Variants in ZNF804B observed in about 807,000 individuals in gnomAD.
The protein encoded by ZNF804B is zinc finger protein 804B, also known as zinc finger 804B.
ZNF804B carries 80 observed loss-of-function variants against 101.4 expected under a neutral mutation model. That is an observed-to-expected ratio of 0.79 (90% CI 0.66 to 0.95). The LOEUF (loss-of-function observed/expected upper bound fraction) is 0.95. Ranked by LOEUF, ZNF804B falls within the 40% of genes least tolerant of loss-of-function variation. ZNF804B has a pLI of 0.00. For synonymous variants in ZNF804B, 622 were observed against 558.8 expected (o/e 1.11, Z -1.59); for missense variants, 1,673 against 1,561.9 (o/e 1.07, Z -1.20).
intron 1 of ZNF804B, among the ~76,000 whole-genome samples, chr7:88,978,501 C>G (rs555950654): frequency 1.3e-5 from 2 of 151,706 alleles, no homozygotes; most frequent in African/African-American, 2.4e-5. Context: ...GTCTTGAAAT[C>G]TATTTTTTTC....
intron 1 of ZNF804B, among the ~76,000 whole-genome samples, chr7:89,180,855 A>G (rs908581168): frequency 6.8e-6 from 1 of 147,234 alleles, no homozygotes; most frequent in Non-Finnish European, 1.5e-5. Context: ...CTTGTGATCT[A>G]GAATGCCTTT....
At chr7:89,188,133 C>G (rs1415562532) in intron 1 of ZNF804B, among the ~76,000 whole-genome samples, 1 of 151,920 alleles carries the variant, frequency 6.6e-6, no homozygotes, top group South Asian at 2.1e-4. Flanking sequence ...TCTACATGTG[C>G]CATTCTCCCG....
chr7:88,794,766 A>G, intron 1 of ZNF804B: 1 of 1,613,488 alleles, frequency 6.2e-7, no homozygotes, highest in South Asian at 1.1e-5. Flanking sequence ...TTCTTTCTAC[A>G]TTTGCTTGTA....
intron 1 of ZNF804B, among the ~76,000 whole-genome samples, chr7:88,987,505 A>G (rs1279576283): frequency 6.6e-6 from 1 of 152,124 alleles, no homozygotes; most frequent in Non-Finnish European, 1.5e-5. Flanking sequence ...CTTTTTCCCC[A>G]GGAACTTAAA....
At chr7:88,822,070 T>C (rs2115761606) in intron 1 of ZNF804B, among the ~76,000 whole-genome samples, 1 of 152,208 alleles carries the variant, frequency 6.6e-6, no homozygotes, top group East Asian at 1.9e-4. Flanking sequence ...GCTGCAACAC[T>C]GTTTAGAAAG....
chr7:89,337,115 A>T lies in ZNF804B; in HGVS notation c.*83A>T. Reference sequence around the variant, plus strand: ...ATACATTTAAAGAAGTCTGTCAATTATAAGATTTAAAATATTGCTGCCAAT... The same window carrying T: ...ATACATTTAAAGAAGTCTGTCAATTTTAAGATTTAAAATATTGCTGCCAAT... On this transcript the variant is annotated 3_prime_UTR_variant, in exon 4 of 4. Transcript: ENST00000333190. 1 of 1,345,414 alleles carries T rather than the reference A, an allele frequency of 7.4e-7. No homozygotes were observed. Among genetic ancestry groups the T allele is most frequent in the South Asian group, 1.5e-5 (1 of 65,640 alleles). The allele number at this position is 1,345,414 out of a possible 1,614,324, so 83.3% of individuals were successfully genotyped here. A position where few individuals can be genotyped will look rare whatever the true frequency, so the allele number is the denominator to read the frequency against.
intron 1 of ZNF804B, among the ~76,000 whole-genome samples, chr7:88,982,063 G>T (rs949923253): frequency 6.6e-6 from 1 of 151,874 alleles, no homozygotes; most frequent in Non-Finnish European, 1.5e-5. Context: ...TGACTGTCTT[G>T]CTCTGCCTTC....
intron 1 of ZNF804B, among the ~76,000 whole-genome samples, chr7:89,067,965 C>T (rs539145030): frequency 4.0e-5 from 6 of 150,964 alleles, no homozygotes; most frequent in Non-Finnish European, 5.9e-5. Flanking sequence ...CCTGCCACCA[C>T]GCCCAAACTA....
At chr7:89,208,374 G>T (rs575253747) in intron 1 of ZNF804B, among the ~76,000 whole-genome samples, 6 of 152,118 alleles carry the variant, frequency 3.9e-5, no homozygotes, top group African/African-American at 1.2e-4. Context: ...GAGCCACCGC[G>T]CCTAGCCCTG....
chr7:89,232,618 G>A (rs1329796904), intron 2 of ZNF804B, among the ~76,000 whole-genome samples: 1 of 152,070 alleles, frequency 6.6e-6, no homozygotes, highest in Non-Finnish European at 1.5e-5. Context: ...CTGTCTTTGT[G>A]TAGGTATTGT....
chr7:88,918,605 A>G (rs1260064597), intron 1 of ZNF804B, among the ~76,000 whole-genome samples: 1 of 152,188 alleles, frequency 6.6e-6, no homozygotes, highest in Non-Finnish European at 1.5e-5. Context: ...ATGTCTCTAC[A>G]TAGCCAAAAG....
At chr7:89,048,092 C>A (rs1789140561) in intron 1 of ZNF804B, among the ~76,000 whole-genome samples, 1 of 152,030 alleles carries the variant, frequency 6.6e-6, no homozygotes, top group African/African-American at 2.4e-5. Context: ...TTATCCCTTA[C>A]CCCTTCCCAT....
intron 2 of ZNF804B, among the ~76,000 whole-genome samples, chr7:89,250,849 T>C (rs1216699021): frequency 6.6e-6 from 1 of 152,164 alleles, no homozygotes; most frequent in Non-Finnish European, 1.5e-5. Flanking sequence ...AATATGATCA[T>C]CTCAATAGAC....
intron 1 of ZNF804B, among the ~76,000 whole-genome samples, chr7:88,947,404 C>T (rs992811760): frequency 6.6e-6 from 1 of 151,856 alleles, no homozygotes; most frequent in African/African-American, 2.4e-5. Context: ...TCTCAGCAGA[C>T]TAACACAGGA....
intron 1 of ZNF804B, among the ~76,000 whole-genome samples, chr7:88,792,398 T>C (rs1176363621): frequency 6.6e-6 from 1 of 152,110 alleles, no homozygotes; most frequent in East Asian, 1.9e-4. Flanking sequence ...CTTTAGAAAA[T>C]AATATTCCCA....
chr7:89,154,562 A>G (rs754619501), intron 1 of ZNF804B, among the ~76,000 whole-genome samples: 1 of 152,150 alleles, frequency 6.6e-6, no homozygotes, highest in Non-Finnish European at 1.5e-5. Flanking sequence ...ATTTGCAACA[A>G]CATGGATGGA....
At chr7:89,011,162 G>A (rs946789397) in intron 1 of ZNF804B, among the ~76,000 whole-genome samples, 3 of 152,004 alleles carry the variant, frequency 2.0e-5, no homozygotes, top group Non-Finnish European at 4.4e-5. Flanking sequence ...CAGGGGAAAT[G>A]TCAGACACTT....
At chr7:88,854,541 T>TTCCTTCCCTTC (rs1554340270) in intron 1 of ZNF804B, among the ~76,000 whole-genome samples, 2 of 88,648 alleles carry the variant, frequency 2.3e-5, no homozygotes, top group East Asian at 4.9e-4. Context: ...CTTCCTTCCT[T>TTCCTTCCCTTC]CCTTCCTTCC....
intron 1 of ZNF804B, among the ~76,000 whole-genome samples, chr7:88,907,572 G>A (rs1213715778): frequency 6.6e-6 from 1 of 151,758 alleles, no homozygotes; most frequent in Non-Finnish European, 1.5e-5. Flanking sequence ...TATGAGTGAG[G>A]TACTATTACT....
Sources: gnomAD v4.1 joint callset for allele counts (sites outside exome capture counted in the v4.1 genomes callset) on GRCh38, gnomAD v4.1.1 for gene constraint, MANE v1.5 for transcripts, NCBI Gene and HGNC (gene_info 2026-07-23, HGNC 2026-07-21) for gene names.